EBF1: variants seen among roughly 807,000 people sequenced by gnomAD.
EBF1 encodes the protein EBF transcription factor 1, also known as transcription factor COE1.
A neutral mutation model predicts 68.4 loss-of-function variants in EBF1; 10 were observed. The observed-to-expected ratio is 0.15, with a 90% CI of 0.09 to 0.25. The LOEUF is 0.25. EBF1 is among the 10% of genes least tolerant of loss of function. EBF1 has a pLI of 1.00. For missense variants in EBF1, 509 were observed against 794.4 expected, an observed-to-expected ratio of 0.64 and a Z score of 4.32; for synonymous variants, 298 against 299.8, an observed-to-expected ratio of 0.99 and a Z score of 0.06.
chr5:158,708,209 T>C, intron 14 of EBF1, 36 bp from the exon 15 acceptor site: 1 of 1,543,406 alleles, frequency 6.5e-7, no homozygotes. Context: ...AATCAGTGCC[T>C]TTCATGGCAT....
intron 6 of EBF1, among the ~76,000 whole-genome samples, chr5:158,923,853 A>G (rs1583202620): frequency 6.6e-6 from 1 of 152,214 alleles, no homozygotes; most frequent in Non-Finnish European, 1.5e-5. Flanking sequence ...AGGAAGATTC[A>G]AAAGCAATTA....
At chr5:158,731,355 C>T (rs764573079) in intron 10 of EBF1, among the ~76,000 whole-genome samples, 198 bp from the exon 11 acceptor site, 5 of 152,140 alleles carry the variant, frequency 3.3e-5, no homozygotes, top group Non-Finnish European at 7.4e-5. Flanking sequence ...GGGAGTGACC[C>T]GCCCAAAAGA....
At chr5:159,073,544 G>A in intron 5 of EBF1, 80 bp from the exon 6 acceptor site, 1 of 1,499,556 alleles carries the variant, frequency 6.7e-7, no homozygotes, top group East Asian at 2.3e-5. Context: ...GGCTCAAATT[G>A]CTGGGTTGCA....
intron 6 of EBF1, among the ~76,000 whole-genome samples, chr5:158,895,715 G>A (rs1167994256): frequency 2.0e-5 from 3 of 152,170 alleles, no homozygotes; most frequent in Non-Finnish European, 4.4e-5. Context: ...AGATTCTGAA[G>A]CCTGGTAGCC....
chr5:158,752,469 G>A (rs1166179254), intron 10 of EBF1, among the ~76,000 whole-genome samples: 1 of 151,974 alleles, frequency 6.6e-6, no homozygotes, highest in African/African-American at 2.4e-5. Flanking sequence ...GAAATAGACG[G>A]TTCATCTCAC....
intron 6 of EBF1, among the ~76,000 whole-genome samples, chr5:158,978,230 C>T (rs577052218): frequency 1.3e-5 from 2 of 152,236 alleles, no homozygotes; most frequent in Admixed American, 6.5e-5. Context: ...GCGCCCTGAC[C>T]CCCGACATGC....
chr5:158,839,436 G>A (rs1789665590), intron 7 of EBF1, among the ~76,000 whole-genome samples: 1 of 152,156 alleles, frequency 6.6e-6, no homozygotes, highest in African/African-American at 2.4e-5. Flanking sequence ...ATCCAGGCTG[G>A]AGTGCAGTGG....
At position 158,775,220 on chromosome 5, in the gene EBF1, T is replaced by A. The variant is rs755415973; in HGVS notation, c.1036+2193A>T. ...TTAAACTGATGGCAATTTTTTTTTT[T>A]AGTGTTTAAAAAAACTCCAAATAAT... On this transcript the variant is annotated intron_variant, in intron 10 of 15. Transcript: ENST00000313708. 8.5e-4 allele frequency among the ~76,000 whole-genome samples: 129 copies of A among 152,176 alleles called. 1 individual carries two copies. The highest frequency in any genetic ancestry group is 1.4e-3 in the Non-Finnish European group (95 of 67,988).
At chr5:158,877,491 G>A (rs1217354745) in intron 6 of EBF1, among the ~76,000 whole-genome samples, 4 of 152,128 alleles carry the variant, frequency 2.6e-5, no homozygotes, top group Admixed American at 2.6e-4. Context: ...ATCATGAATT[G>A]ACAGCTTATT....
intron 5 of EBF1, among the ~76,000 whole-genome samples, chr5:159,078,827 A>G (rs1312245938): frequency 6.6e-6 from 1 of 152,216 alleles, no homozygotes; most frequent in Non-Finnish European, 1.5e-5. Context: ...AGAAAAGCGA[A>G]CTTATGAGTC....
chr5:158,868,898 A>G (rs1253414231), intron 6 of EBF1, among the ~76,000 whole-genome samples: 4 of 152,220 alleles, frequency 2.6e-5, no homozygotes, highest in African/African-American at 7.2e-5. Flanking sequence ...ACTCTTGAAA[A>G]GATTCAAAAT....
At chr5:159,089,282 C>A (rs997395530) in intron 4 of EBF1, among the ~76,000 whole-genome samples, 2 of 152,072 alleles carry the variant, frequency 1.3e-5, no homozygotes, top group Admixed American at 6.5e-5. Context: ...GGAAATTTCA[C>A]TGTTATGAAT....
intron 4 of EBF1, among the ~76,000 whole-genome samples, chr5:159,091,896 G>C (rs1342105601): frequency 1.3e-5 from 2 of 152,102 alleles, no homozygotes; most frequent in Non-Finnish European, 2.9e-5. Context: ...ACGATTTCCT[G>C]CTTCTCAAGC....
chr5:158,952,369 T>TGG (rs1816207938), intron 6 of EBF1, among the ~76,000 whole-genome samples: 1 of 152,142 alleles, frequency 6.6e-6, no homozygotes, highest in Non-Finnish European at 1.5e-5. Flanking sequence ...GTGACTGAGA[T>TGG]GGTGAATGGA....
intron 8 of EBF1, among the ~76,000 whole-genome samples, chr5:158,802,969 C>G (rs1484546545): frequency 1.3e-5 from 2 of 152,118 alleles, no homozygotes; most frequent in African/African-American, 4.8e-5. Flanking sequence ...CCCAGTTCAG[C>G]TGCTTGCTAA....
intron 11 of EBF1, among the ~76,000 whole-genome samples, chr5:158,723,925 C>T (rs567098547): frequency 1.6e-4 from 24 of 152,178 alleles, no homozygotes; most frequent in African/African-American, 4.8e-4. Flanking sequence ...ATGTTCATAA[C>T]GCACACATGC....
intron 6 of EBF1, among the ~76,000 whole-genome samples, chr5:159,043,207 A>G (rs1225546520): frequency 1.3e-5 from 2 of 152,152 alleles, no homozygotes; most frequent in African/African-American, 4.8e-5. Context: ...GGAACATTGG[A>G]GGCTTGGAAC....
At chr5:158,830,145 G>A (rs17714952) in intron 7 of EBF1, among the ~76,000 whole-genome samples, 86,543 of 151,976 alleles carry the variant, frequency 0.57, 24,989 homozygotes, top group South Asian at 0.7. Context: ...TCCTTTTACA[G>A]CTTGGAAAAC....
chr5:158,712,055 G>T, intron 14 of EBF1, 99 bp downstream of exon 14: 1 of 1,407,202 alleles, frequency 7.1e-7, no homozygotes, highest in Non-Finnish European at 9.7e-7. Flanking sequence ...AAAGATGGGG[G>T]GCCTCAGACC....
Sources: allele counts gnomAD v4.1 joint callset (sites outside exome capture counted in the v4.1 genomes callset), GRCh38; gene constraint gnomAD v4.1.1; transcripts MANE v1.5; gene names NCBI Gene and HGNC (gene_info 2026-07-23, HGNC 2026-07-21).